The following NKAIN2 variants were observed in gnomAD, a reference collection of about 807,000 sequenced individuals.
The protein encoded by NKAIN2 is sodium/potassium-transporting ATPase subunit beta-1-interacting protein 2.
NKAIN2 carries 14 observed loss-of-function variants against 32.6 expected under a neutral mutation model. The observed-to-expected ratio is 0.43, with a 90% CI of 0.28 to 0.67. The LOEUF is 0.67. Among genes scored for constraint, NKAIN2 ranks in the 30% least tolerant of loss-of-function variants. The pLI, the probability that NKAIN2 is intolerant of heterozygous loss-of-function variation, is 0.17. For missense variants in NKAIN2, 198 were observed against 258.3 expected, an observed-to-expected ratio of 0.77 and a Z score of 1.60; for synonymous variants, 80 against 87.2, an observed-to-expected ratio of 0.92 and a Z score of 0.46.
intron 3 of NKAIN2, among the ~76,000 whole-genome samples, chr6:124,577,367 A>G (rs1001841951): frequency 1.3e-5 from 2 of 151,898 alleles, no homozygotes; most frequent in Non-Finnish European, 2.9e-5. Flanking sequence ...CAGCAGCTGC[A>G]TAGTGTGGAG....
chr6:123,985,429 A>C (rs1779092579), intron 1 of NKAIN2, among the ~76,000 whole-genome samples: 1 of 151,890 alleles, frequency 6.6e-6, no homozygotes, highest in Admixed American at 6.5e-5. Flanking sequence ...AGTAGAGTAC[A>C]AACAAACAAA....
chr6:124,481,546 T>C (rs1456229781), intron 3 of NKAIN2, among the ~76,000 whole-genome samples: 3 of 152,156 alleles, frequency 2.0e-5, no homozygotes, highest in Non-Finnish European at 4.4e-5. Context: ...ATACATCCAT[T>C]GGTCTTAATT....
In NKAIN2 at chr6:123,975,385, G is replaced by A. The variant is rs557551214; in HGVS notation, c.54+171131G>A. 3.3e-5 allele frequency among the ~76,000 whole-genome samples: 5 copies of A among 152,254 alleles called. No individual in the cohort carries two copies. The East Asian group carries it at 9.6e-4, about 29-fold the overall frequency. ...ATAATTGAATTATACAAAAACTGAA[G>A]GATTTTCATGCACAAGGAGAGGATT... On this transcript the variant is annotated intron_variant, in intron 1 of 6. Coordinates refer to ENST00000368417, the MANE Select transcript of NKAIN2 (RefSeq NM_001040214.3).
chr6:124,035,497 A>G (rs1040613598), intron 1 of NKAIN2, among the ~76,000 whole-genome samples: 9 of 152,094 alleles, frequency 5.9e-5, no homozygotes, highest in Non-Finnish European at 1.0e-4. Flanking sequence ...AATCTCCTGT[A>G]GTTTCCAACT....
chr6:124,067,414 T>A (rs1244374965), intron 1 of NKAIN2, among the ~76,000 whole-genome samples: 1 of 152,050 alleles, frequency 6.6e-6, no homozygotes, highest in African/African-American at 2.4e-5. Context: ...TTGACCACAT[T>A]CCATTATGAG....
chr6:124,646,936 G>A (rs1052740169), intron 3 of NKAIN2, among the ~76,000 whole-genome samples: 1 of 151,660 alleles, frequency 6.6e-6, no homozygotes, highest in Non-Finnish European at 1.5e-5. Flanking sequence ...GGGTGACAGA[G>A]GAAGACTCCG....
At chr6:124,710,526 C>T (rs571092740) in intron 4 of NKAIN2, among the ~76,000 whole-genome samples, 243 of 152,088 alleles carry the variant, frequency 1.6e-3, no homozygotes, top group African/African-American at 5.1e-3. Context: ...GTATTGGGTG[C>T]GTATATATTT....
At chr6:123,940,310 GTGT>G (rs1776755246) in intron 1 of NKAIN2, among the ~76,000 whole-genome samples, 1 of 151,796 alleles carries the variant, frequency 6.6e-6, no homozygotes, top group South Asian at 2.1e-4. Context: ...GTTTGTGTGT[GTGT>G]GTGTGTGTGT....
At chr6:124,577,068 A>G (rs1231842688) in intron 3 of NKAIN2, among the ~76,000 whole-genome samples, 4 of 152,362 alleles carry the variant, frequency 2.6e-5, no homozygotes, top group African/African-American at 9.6e-5. Flanking sequence ...TGGGCTTACC[A>G]TCAGACTATA....
intron 1 of NKAIN2, among the ~76,000 whole-genome samples, chr6:123,814,336 A>G (rs2114871250): frequency 6.6e-6 from 1 of 152,322 alleles, no homozygotes; most frequent in Admixed American, 6.5e-5. Context: ...GGGAAGTTTC[A>G]CAGGCTCTTA....
At chr6:124,096,995 T>A (rs191898936) in intron 1 of NKAIN2, among the ~76,000 whole-genome samples, 76 of 152,276 alleles carry the variant, frequency 5.0e-4, no homozygotes, top group South Asian at 4.8e-3. Context: ...GTAGATGAAG[T>A]CCTTGACAAC....
intron 1 of NKAIN2, among the ~76,000 whole-genome samples, chr6:124,044,696 C>A (rs1782038226): frequency 6.6e-6 from 1 of 152,164 alleles, no homozygotes; most frequent in Middle Eastern, 3.4e-3. Context: ...TTCGCCTAGA[C>A]AGAGTTTAAA....
At chr6:123,962,096 ATTAATC>A (rs1458041627) in intron 1 of NKAIN2, among the ~76,000 whole-genome samples, 1 of 152,212 alleles carries the variant, frequency 6.6e-6, no homozygotes, top group African/African-American at 2.4e-5. Flanking sequence ...CCATCTTAAA[ATTAATC>A]TTAAGAAAAC....
chr6:124,069,456 A>G (rs1783338473), intron 1 of NKAIN2, among the ~76,000 whole-genome samples: 2 of 152,156 alleles, frequency 1.3e-5, no homozygotes, highest in Non-Finnish European at 2.9e-5. Context: ...AATCAAGAGT[A>G]CGCAAAATGA....
At chr6:124,674,055 G>A (rs1487707866) in intron 4 of NKAIN2, among the ~76,000 whole-genome samples, 1 of 151,808 alleles carries the variant, frequency 6.6e-6, no homozygotes, top group Non-Finnish European at 1.5e-5. Context: ...TATTAGTTCA[G>A]TTTCTTTCTT....
intron 3 of NKAIN2, among the ~76,000 whole-genome samples, chr6:124,466,167 C>G (rs1776746498): frequency 1.3e-5 from 2 of 152,038 alleles, no homozygotes; most frequent in African/African-American, 4.8e-5. Context: ...CACAGGGGAA[C>G]CTTGATCCTT....
intron 4 of NKAIN2, among the ~76,000 whole-genome samples, chr6:124,665,233 A>C (rs1772731746): frequency 1.3e-5 from 2 of 152,218 alleles, no homozygotes; most frequent in African/African-American, 4.8e-5. Flanking sequence ...CAAAGCTAGA[A>C]GTATCACACT....
At chr6:123,974,267 G>T (rs886392324) in intron 1 of NKAIN2, among the ~76,000 whole-genome samples, 6 of 152,086 alleles carry the variant, frequency 3.9e-5, no homozygotes, top group African/African-American at 1.4e-4. Flanking sequence ...CTTTTAGAAA[G>T]GATATTTTCC....
At chr6:123,870,097 C>G (rs552707073) in intron 1 of NKAIN2, among the ~76,000 whole-genome samples, 2 of 152,192 alleles carry the variant, frequency 1.3e-5, no homozygotes, top group Non-Finnish European at 2.9e-5. Context: ...TTTTTTTACT[C>G]TGTGTGCCAG....
Sources: gnomAD v4.1 joint callset for allele counts (sites outside exome capture counted in the v4.1 genomes callset) on GRCh38, gnomAD v4.1.1 for gene constraint, MANE v1.5 for transcripts, NCBI Gene and HGNC (gene_info 2026-07-23, HGNC 2026-07-21) for gene names.